POU2F3: variants seen among roughly 807,000 people sequenced by gnomAD.
POU2F3 encodes POU class 2 homeobox 3.
POU2F3 carries 23 observed loss-of-function variants against 59.2 expected under a neutral mutation model. The observed-to-expected ratio is 0.39, with a 90% CI of 0.28 to 0.55. The LOEUF (loss-of-function observed/expected upper bound fraction) is 0.55. Ranked by LOEUF, POU2F3 falls within the 20% of genes least tolerant of loss-of-function variation. POU2F3 has a pLI of 0.66. For synonymous variants in POU2F3, 190 were observed against 214.6 expected (o/e 0.89, Z 1.00); for missense variants, 473 against 544.5 (o/e 0.87, Z 1.31).
intron 3 of POU2F3, among the ~76,000 whole-genome samples, chr11:120,273,121 G>C (rs1023190014): frequency 2.6e-5 from 4 of 152,218 alleles, no homozygotes; most frequent in Non-Finnish European, 4.4e-5. Flanking sequence ...AGAGTGAGGG[G>C]AAATATGTCA....
chr11:120,293,617 G>A (rs967759751), intron 3 of POU2F3, among the ~76,000 whole-genome samples: 3 of 152,146 alleles, frequency 2.0e-5, no homozygotes, highest in Non-Finnish European at 1.5e-5. Flanking sequence ...TTCCACAAAC[G>A]AGTTATGCAA....
chr11:120,318,286 C>A, intron 12 of POU2F3, 67 bp from the exon 13 acceptor site: 1 of 1,468,720 alleles, frequency 6.8e-7, no homozygotes, highest in Non-Finnish European at 9.5e-7. Flanking sequence ...TGCTAGCAGT[C>A]ACTCCCCATT....
At chr11:120,313,380 A>T (rs1041067719) in intron 10 of POU2F3, among the ~76,000 whole-genome samples, 2 of 152,232 alleles carry the variant, frequency 1.3e-5, no homozygotes, top group Non-Finnish European at 2.9e-5. Flanking sequence ...CCCTGCCCTC[A>T]TGAAGTCTAC....
Position 120,285,118 on chromosome 11 carries a change from A to G in POU2F3, c.133-13147A>G, listed in dbSNP as rs1270498578. On this transcript the variant is annotated intron_variant, in intron 3 of 12. Coordinates refer to ENST00000543440, the MANE Select transcript of POU2F3 (RefSeq NM_014352.4). The surrounding 1 kb of genome is among the most constrained non-coding windows in gnomAD (Gnocchi z 4.3). Reference sequence around the variant, plus strand: ...AGTCGGTGATGTTAGTTACTTTACTATTCTTATTTGGCAAAATAAAACAAC... The same window carrying G: ...AGTCGGTGATGTTAGTTACTTTACTGTTCTTATTTGGCAAAATAAAACAAC... Among the ~76,000 whole-genome samples, 2 of 152,212 alleles carry G rather than the reference A, an allele frequency of 1.3e-5. No individual in the cohort carries two copies. The highest frequency in any genetic ancestry group is 2.9e-5 in the Non-Finnish European group (2 of 68,038).
intron 3 of POU2F3, among the ~76,000 whole-genome samples, chr11:120,295,431 C>A (rs1941167699): frequency 6.6e-6 from 1 of 152,242 alleles, no homozygotes; most frequent in Non-Finnish European, 1.5e-5. Context: ...TTCCTCCATC[C>A]TGCCTCCCCA....
rs79226269 is a variant in POU2F3 at position 120,246,317 on chromosome 11, G to A, written c.29-132G>A. The stretch of plus-strand genomic sequence containing the variant: ...TGAATATTCTAATGGTTGTATGTTC[G>A]GGAATCAGGAATTTGAAAGTCTGAT... On this transcript the variant is annotated intron_variant, in intron 1 of 12. Coordinates refer to ENST00000543440, the MANE Select transcript of POU2F3 (RefSeq NM_014352.4). 2.3e-3 allele frequency: 2,140 copies of A among 931,980 alleles called. 8 individuals are homozygous for A. Among genetic ancestry groups the A allele is most frequent in the South Asian group, 3.7e-3 (256 of 69,114 alleles). The allele number at this position is 931,980 out of a possible 1,614,324, so 57.7% of individuals were successfully genotyped here. A position where few individuals can be genotyped will look rare whatever the true frequency, so the allele number is the denominator to read the frequency against.
At chr11:120,258,742 T>C (rs995323193) in intron 2 of POU2F3, among the ~76,000 whole-genome samples, 2 of 152,232 alleles carry the variant, frequency 1.3e-5, no homozygotes, top group African/African-American at 2.4e-5. Context: ...CCTGAGTGCC[T>C]GGACACTTTT....
chr11:120,308,550 C>T (rs971473324), intron 9 of POU2F3, among the ~76,000 whole-genome samples: 14 of 152,124 alleles, frequency 9.2e-5, no homozygotes, highest in African/African-American at 3.4e-4. Context: ...AAGGGAGTGG[C>T]GCCCGTGTAG....
chr11:120,236,835 G>C, upstream of POU2F3: 2 of 899,736 alleles, frequency 2.2e-6, no homozygotes, highest in Non-Finnish European at 3.4e-6. Flanking sequence ...GGGACTTAGA[G>C]GGCACCCCAG....
intron 2 of POU2F3, among the ~76,000 whole-genome samples, chr11:120,262,491 G>A (rs1939640206): frequency 6.6e-6 from 1 of 152,146 alleles, no homozygotes; most frequent in South Asian, 2.1e-4. Context: ...TAACATTTCA[G>A]TCCTAAATAA....
chr11:120,317,071 G>A, intron 11 of POU2F3, 158 bp from the exon 12 acceptor site: 1 of 780,318 alleles, frequency 1.3e-6, no homozygotes, highest in Non-Finnish European at 2.1e-6. Flanking sequence ...AGAAGTTGAT[G>A]CTAATGAGGC....
At chr11:120,237,839 G>A (rs970716723), upstream of POU2F3, among the ~76,000 whole-genome samples, 128 of 152,208 alleles carry the variant, frequency 8.4e-4, 1 homozygote, top group Non-Finnish European at 2.1e-4. Context: ...GGGAGTTGGG[G>A]GAGTGTTGAA....
At chr11:120,310,244 CT>C (rs1941618313) in intron 10 of POU2F3, among the ~76,000 whole-genome samples, 1 of 152,088 alleles carries the variant, frequency 6.6e-6, no homozygotes, top group African/African-American at 2.4e-5. Context: ...TCTGGCTAGA[CT>C]TTGATGGTGG....
chr11:120,265,650 C>CT (rs1359785062), intron 2 of POU2F3, among the ~76,000 whole-genome samples: 1 of 152,188 alleles, frequency 6.6e-6, no homozygotes, highest in African/African-American at 2.4e-5. Context: ...GCTTACACAC[C>CT]TTTTTCATGT....
chr11:120,309,861 T>G (rs1941607965), intron 10 of POU2F3, among the ~76,000 whole-genome samples: 1 of 152,002 alleles, frequency 6.6e-6, no homozygotes, highest in South Asian at 2.1e-4. Context: ...TCTGGGGGAA[T>G]GAATGTTCTA....
chr11:120,275,770 C>G (rs1332469675), intron 3 of POU2F3, among the ~76,000 whole-genome samples: 1 of 152,198 alleles, frequency 6.6e-6, no homozygotes, highest in African/African-American at 2.4e-5. Flanking sequence ...AGCTCACCTG[C>G]ACCAATGGCT....
chr11:120,269,931 G>A (rs1024108896), intron 3 of POU2F3, among the ~76,000 whole-genome samples: 1 of 152,076 alleles, frequency 6.6e-6, no homozygotes, highest in African/African-American at 2.4e-5. Context: ...ATGGCGGGGT[G>A]GGAGGTAGGA....
intron 3 of POU2F3, among the ~76,000 whole-genome samples, chr11:120,274,610 G>A (rs571702632): frequency 6.6e-6 from 1 of 152,316 alleles, no homozygotes; most frequent in South Asian, 2.1e-4. Flanking sequence ...GGGAGGAGAA[G>A]GAGGGGCAGA....
At chr11:120,291,705 C>T (rs1406361858) in intron 3 of POU2F3, among the ~76,000 whole-genome samples, 1 of 152,178 alleles carries the variant, frequency 6.6e-6, no homozygotes, top group Non-Finnish European at 1.5e-5. Flanking sequence ...CTTTAAGCCT[C>T]AGTCTTTTCA....
Sources: allele counts gnomAD v4.1 joint callset (sites outside exome capture counted in the v4.1 genomes callset), GRCh38; gene constraint gnomAD v4.1.1; non-coding constraint Gnocchi (gnomAD v3.1); transcripts MANE v1.5; gene names NCBI Gene and HGNC (gene_info 2026-07-23, HGNC 2026-07-21).